The following COLQ variants were observed in gnomAD, a reference collection of about 807,000 sequenced individuals.
The protein encoded by COLQ is acetylcholinesterase collagenic tail peptide.
Under a neutral mutation model 69.0 loss-of-function variants are expected in COLQ, and 48 were observed. The ratio of observed to expected loss-of-function variants is 0.70; its 90% CI spans 0.55 to 0.88. The LOEUF is 0.88. COLQ is among the 40% of genes least tolerant of loss of function. COLQ has a pLI of 0.00. For missense variants in COLQ, 618 were observed against 594.6 expected (o/e 1.04, Z -0.41); for synonymous variants, 217 against 211.2 (o/e 1.03, Z -0.24).
At chr3:15,521,420 G>C in intron 1 of COLQ, 100 bp downstream of exon 1, 1 of 1,507,076 alleles carries the variant, frequency 6.6e-7, no homozygotes, top group Admixed American at 1.9e-5. Context: ...TCCACCAACA[G>C]TTGAATGGCA....
intron 1 of COLQ, among the ~76,000 whole-genome samples, chr3:15,509,583 A>G (rs574897721): frequency 2.6e-5 from 4 of 152,224 alleles, no homozygotes; most frequent in East Asian, 1.9e-4. Context: ...ATGTCCTGAA[A>G]GTCAAATGTT....
intron 1 of COLQ, among the ~76,000 whole-genome samples, chr3:15,492,469 A>G (rs2062683406): frequency 6.6e-6 from 1 of 152,232 alleles, no homozygotes; most frequent in Admixed American, 6.5e-5. Context: ...GATCGAGACC[A>G]TCCTGGCTAA....
In COLQ at chr3:15,489,426, G is replaced by A. The variant is rs1024880867; in HGVS notation, c.219+99C>T. ...GGTTGAGGCTCTCAGAAAAGATTCC[G>A]GAGGCAGCTCAGGTGGAGTGGGGCA... On this transcript the variant is annotated intron_variant, in intron 2 of 16. Coordinates refer to ENST00000383788, the MANE Select transcript of COLQ (RefSeq NM_005677.4). The A allele has an allele frequency of 4.1e-5, 45 of 1,099,654 alleles. No individual in the cohort carries two copies. The East Asian group carries it at 9.4e-4, about 23-fold the overall frequency. 68.1% of individuals were successfully genotyped at this position (1,099,654 alleles called of 1,614,324 possible).
At chr3:15,510,327 AGG>A (rs1331022244) in intron 1 of COLQ, among the ~76,000 whole-genome samples, 1 of 152,178 alleles carries the variant, frequency 6.6e-6, no homozygotes, top group Non-Finnish European at 1.5e-5. Flanking sequence ...AAAGCTCTGT[AGG>A]TATTAGCTCA....
At chr3:15,461,747 G>A (rs960516795) in intron 12 of COLQ, among the ~76,000 whole-genome samples, 1 of 152,140 alleles carries the variant, frequency 6.6e-6, no homozygotes, top group South Asian at 2.1e-4. Context: ...GGGGAGGGTA[G>A]GACTAGACCA....
intron 16 of COLQ, among the ~76,000 whole-genome samples, chr3:15,453,374 ACAGGCATGCCT>A (rs1236646745): frequency 7.9e-5 from 12 of 152,216 alleles, no homozygotes; most frequent in African/African-American, 2.4e-4. Flanking sequence ...ACTTGCAGTC[ACAGGCATGCCT>A]GAGGGATGGG....
intron 12 of COLQ, among the ~76,000 whole-genome samples, chr3:15,465,651 T>C (rs1224378207): frequency 7.3e-6 from 1 of 136,800 alleles, no homozygotes; most frequent in South Asian, 2.3e-4. Flanking sequence ...AGTTTCGAGA[T>C]GGCACAATTT....
intron 16 of COLQ, among the ~76,000 whole-genome samples, chr3:15,452,893 C>T (rs975974152): frequency 6.6e-6 from 1 of 152,188 alleles, no homozygotes; most frequent in African/African-American, 2.4e-5. Flanking sequence ...ACAGGCATGG[C>T]TCCCCAGCCC....
intron 15 of COLQ, among the ~76,000 whole-genome samples, chr3:15,455,663 G>C (rs964742891): frequency 2.0e-5 from 3 of 152,232 alleles, no homozygotes; most frequent in African/African-American, 7.2e-5. Flanking sequence ...AGGCCTAACT[G>C]GGGGCAGGAT....
chr3:15,498,303 T>C (rs973614819), intron 1 of COLQ, among the ~76,000 whole-genome samples: 9 of 152,178 alleles, frequency 5.9e-5, no homozygotes, highest in Middle Eastern at 3.2e-3. Context: ...CCCCTTTGCA[T>C]TGCAACTTCA....
chr3:15,487,601 C>T (rs1049783474), intron 3 of COLQ, among the ~76,000 whole-genome samples: 2 of 152,246 alleles, frequency 1.3e-5, no homozygotes, highest in Non-Finnish European at 2.9e-5. Flanking sequence ...TCAGACCCAG[C>T]TGTCCCTCAC....
rs1424191705 is a variant in COLQ at position 15,466,481 on chromosome 3, G to T, written c.718-44C>A. On this transcript the variant is annotated intron_variant, in intron 11 of 16. Transcript: ENST00000383788. ...GAGCCTGTTATGAAAGCATGACATA[G>T]CAAGCTTCCCGCCCCATTTATCACC... 4.6e-6 allele frequency: 7 copies of T among 1,519,168 alleles called. No individual in the cohort carries two copies. In the Admixed American group the frequency reaches 1.2e-4, roughly 26 times the overall value. The allele number at this position is 1,519,168 out of a possible 1,614,324, so 94.1% of individuals were successfully genotyped here. A position where few individuals can be genotyped will look rare whatever the true frequency, so the allele number is the denominator to read the frequency against.
chr3:15,494,275 G>A (rs2062713400), intron 1 of COLQ, among the ~76,000 whole-genome samples: 1 of 152,132 alleles, frequency 6.6e-6, no homozygotes, highest in South Asian at 2.1e-4. Context: ...GCAGGTGTGG[G>A]GAGGACAGGC....
chr3:15,519,918 T>C (rs2063113527), intron 1 of COLQ, among the ~76,000 whole-genome samples: 1 of 152,232 alleles, frequency 6.6e-6, no homozygotes, highest in South Asian at 2.1e-4. Context: ...GATTACTATG[T>C]GCCAGGCACT....
intron 1 of COLQ, among the ~76,000 whole-genome samples, chr3:15,491,454 G>A (rs1254550745): frequency 6.6e-6 from 1 of 152,114 alleles, no homozygotes; most frequent in African/African-American, 2.4e-5. Flanking sequence ...TCTCCACCTT[G>A]TGCTCCAGGA....
chr3:15,451,549 T>G lies in COLQ; in HGVS notation c.*95A>C. On this transcript the variant is annotated 3_prime_UTR_variant, in exon 17 of 17. Transcript: ENST00000383788. ...TGTCCTTGTTTTTGTCACACAAAGG[T>G]TGGTGGAGACGGGGCCAGGACATGG... 8.8e-7 allele frequency: 1 copy of G among 1,135,350 alleles called. No individual in the cohort carries two copies. Among genetic ancestry groups the G allele is most frequent in the South Asian group, 1.2e-5 (1 of 81,466 alleles). The allele number at this position is 1,135,350 out of a possible 1,614,324, so 70.3% of individuals were successfully genotyped here. A position where few individuals can be genotyped will look rare whatever the true frequency, so the allele number is the denominator to read the frequency against.
intron 16 of COLQ, among the ~76,000 whole-genome samples, chr3:15,452,044 T>C (rs1435062486): frequency 1.3e-5 from 2 of 151,508 alleles, no homozygotes; most frequent in African/African-American, 4.9e-5. Context: ...TCTTGAAATG[T>C]AGTTACTGTG....
At chr3:15,508,968 T>C (rs2062946519) in intron 1 of COLQ, among the ~76,000 whole-genome samples, 2 of 152,062 alleles carry the variant, frequency 1.3e-5, no homozygotes, top group East Asian at 3.9e-4. Flanking sequence ...CTGGGCAACA[T>C]AGCTAGACCC....
At chr3:15,458,608 T>C (rs897279380) in intron 12 of COLQ, among the ~76,000 whole-genome samples, 2 of 152,024 alleles carry the variant, frequency 1.3e-5, no homozygotes, top group African/African-American at 4.8e-5. Context: ...GTCACAAGCA[T>C]GAGAAGATAA....
Sources: gnomAD v4.1 joint callset for allele counts (sites outside exome capture counted in the v4.1 genomes callset) on GRCh38, gnomAD v4.1.1 for gene constraint, MANE v1.5 for transcripts, NCBI Gene and HGNC (gene_info 2026-07-23, HGNC 2026-07-21) for gene names.